The following CR1L variants were observed in gnomAD, a reference collection of about 807,000 sequenced individuals.
CR1L encodes complement component receptor 1-like protein.
CR1L carries 59 observed loss-of-function variants against 62.3 expected under a neutral mutation model. The ratio of observed to expected loss-of-function variants is 0.95; its 90% CI spans 0.77 to 1.18. CR1L has a LOEUF of 1.18. Among genes scored for constraint, CR1L ranks in the 50% most tolerant of loss-of-function variants. The pLI is 0.00. For synonymous variants in CR1L, 279 were observed against 248.7 expected, an observed-to-expected ratio of 1.12 and a Z score of -1.15; for missense variants, 700 against 702.8, an observed-to-expected ratio of 1.00 and a Z score of 0.04.
Position 207,717,721 on chromosome 1 carries a change from G to A in CR1L, c.1642+30G>A. On this transcript the variant is annotated intron_variant, in intron 11 of 11. Transcript: ENST00000508064. ...GTATCCGCTTCCACATATCCTAAAT[G>A]GGTTCAGAATATGTAGGTGAGAACC... The A allele has an allele frequency of 1.9e-6, 3 of 1,611,328 alleles. 1 individual carries two copies. The East Asian group carries it at 6.7e-5, about 36-fold the overall frequency.
chr1:207,692,120 G>A (rs902567391), intron 4 of CR1L, among the ~76,000 whole-genome samples: 3 of 152,176 alleles, frequency 2.0e-5, no homozygotes, highest in Non-Finnish European at 2.9e-5. Flanking sequence ...CCTACGGTCT[G>A]TTTACATCTT....
intron 1 of CR1L, among the ~76,000 whole-genome samples, chr1:207,671,720 G>C (rs1663617745): frequency 6.6e-6 from 1 of 150,754 alleles, no homozygotes; most frequent in East Asian, 1.9e-4. Context: ...TCAGGACTTT[G>C]AGACCAGCCT....
At chr1:207,645,473 C>T in intron 1 of CR1L, 143 bp downstream of exon 1, 1 of 909,294 alleles carries the variant, frequency 1.1e-6, no homozygotes, top group South Asian at 1.5e-5. Flanking sequence ...CGAGGGGTGC[C>T]GTGCTCAGAT....
intron 8 of CR1L, among the ~76,000 whole-genome samples, chr1:207,700,037 A>T (rs546850706): frequency 1.4e-3 from 213 of 152,044 alleles, no homozygotes; most frequent in South Asian, 6.3e-3. Context: ...TCATTTTTTT[A>T]AAATGAGCCT....
At chr1:207,720,277 T>A (rs61823008) in intron 11 of CR1L, among the ~76,000 whole-genome samples, 4 of 152,224 alleles carry the variant, frequency 2.6e-5, no homozygotes, top group Non-Finnish European at 5.9e-5. Flanking sequence ...GACATCTTAC[T>A]GCTTTGTAGT....
rs200237060 is a variant in CR1L, at chr1:207,714,995, G to C, written c.1415-2469G>C. ...TGAAGGTTATGGCTCTTGTGCCCAT[G>C]GAGAAGTCTGGTTCTGTGTTCATGC... On this transcript the variant is annotated intron_variant, in intron 10 of 11. Coordinates refer to ENST00000508064, the MANE Select transcript of CR1L (RefSeq NM_175710.2). 1.2e-4 allele frequency among the ~76,000 whole-genome samples: 18 copies of C among 152,302 alleles called. No homozygotes were observed. The East Asian group carries it at 2.3e-3, about 20-fold the overall frequency.
chr1:207,671,986 A>G (rs1207070706), intron 1 of CR1L, among the ~76,000 whole-genome samples: 5 of 150,922 alleles, frequency 3.3e-5, no homozygotes, highest in African/African-American at 1.2e-4. Context: ...GAAACAGAGA[A>G]CAAGAGAAGA....
chr1:207,670,842 A>G (rs1663601577), intron 1 of CR1L, among the ~76,000 whole-genome samples: 1 of 151,164 alleles, frequency 6.6e-6, no homozygotes, highest in South Asian at 2.1e-4. Context: ...AGGTTCTCAC[A>G]ATAACCTCCA....
At chr1:207,701,752 T>C in intron 9 of CR1L, 134 bp downstream of exon 9, 1 of 1,189,222 alleles carries the variant, frequency 8.4e-7, no homozygotes, top group Non-Finnish European at 1.2e-6. Flanking sequence ...TAACTCCTGA[T>C]TGAAATGAAC....
intron 3 of CR1L, among the ~76,000 whole-genome samples, 159 bp downstream of exon 3, chr1:207,678,456 G>T (rs1037679743): frequency 1.3e-5 from 2 of 152,146 alleles, no homozygotes; most frequent in African/African-American, 4.8e-5. Context: ...AATGGACAAA[G>T]GTATGACAAG....
At chr1:207,719,194 C>T (rs1475485516) in intron 11 of CR1L, among the ~76,000 whole-genome samples, 1 of 140,798 alleles carries the variant, frequency 7.1e-6, no homozygotes, top group Non-Finnish European at 1.5e-5. Flanking sequence ...ACCAGCATGG[C>T]ACATGTATAC....
At chr1:207,664,320 C>T (rs1423993725) in intron 1 of CR1L, among the ~76,000 whole-genome samples, 1 of 152,222 alleles carries the variant, frequency 6.6e-6, no homozygotes, top group African/African-American at 2.4e-5. Context: ...GAACTCAAAT[C>T]TCAATCACTG....
Position 207,678,245 on chromosome 1 carries a change from G to T in CR1L, c.325G>T (p.Val109Leu), listed in dbSNP as rs1366230744. ...AGATCCTGTGAATGGCATGGCACAT[G>T]TGATCAAAGACATCCAGTTCAGATC... is the stretch of plus-strand genomic sequence containing the variant. ...PPDPVNGMAH[V>L]IKDIQFRSQI... Residue 109 changes from valine to leucine, a missense_variant, in exon 3 of 12, where the codon GTG becomes TTG. Transcript: ENST00000508064. The T allele has an allele frequency of 2.5e-6, 4 of 1,613,778 alleles. No individual in the cohort carries two copies. Among genetic ancestry groups the T allele is most frequent in the Non-Finnish European group, 2.5e-6 (3 of 1,179,662 alleles).
intron 1 of CR1L, among the ~76,000 whole-genome samples, chr1:207,654,226 A>G (rs1663271454): frequency 6.6e-6 from 1 of 152,038 alleles, no homozygotes; most frequent in Non-Finnish European, 1.5e-5. Flanking sequence ...ACTATAATAT[A>G]TAAACAAAGT....
intron 10 of CR1L, among the ~76,000 whole-genome samples, chr1:207,714,486 C>T (rs1477259886): frequency 2.0e-5 from 3 of 152,096 alleles, no homozygotes; most frequent in Non-Finnish European, 2.9e-5. Flanking sequence ...CGGGTTTCAC[C>T]GGGATCCGCC....
intron 1 of CR1L, among the ~76,000 whole-genome samples, chr1:207,667,457 A>T (rs1034223565): frequency 6.6e-6 from 1 of 152,156 alleles, no homozygotes; most frequent in Non-Finnish European, 1.5e-5. Context: ...CCTTCCTCTT[A>T]TAAGGATCCC....
At chr1:207,675,177 T>C (rs746308534) in intron 1 of CR1L, among the ~76,000 whole-genome samples, 1 of 152,090 alleles carries the variant, frequency 6.6e-6, no homozygotes, top group Non-Finnish European at 1.5e-5. Context: ...TTGAGAGAAA[T>C]AGATACTTCT....
chr1:207,651,307 C>T lies in CR1L; in HGVS notation c.97+5977C>T, dbSNP rs970118401. ...CCATAGGAAGAAAGTCCTCTGAAAACGTATTGCCAATAAGTGCATTGCAGG... is the reference window on the plus strand; with the variant it reads ...CCATAGGAAGAAAGTCCTCTGAAAATGTATTGCCAATAAGTGCATTGCAGG... On this transcript the variant is annotated intron_variant, in intron 1 of 11. Coordinates refer to ENST00000508064, the MANE Select transcript of CR1L (RefSeq NM_175710.2). Among the ~76,000 whole-genome samples, 27 of 151,922 alleles carry T rather than the reference C, an allele frequency of 1.8e-4. No individual in the cohort carries two copies. In the East Asian group the frequency reaches 2.3e-3, roughly 13 times the overall value.
intron 1 of CR1L, among the ~76,000 whole-genome samples, chr1:207,656,162 C>T (rs1344932942): frequency 2.6e-5 from 4 of 152,052 alleles, no homozygotes; most frequent in Admixed American, 6.5e-5. Flanking sequence ...GGCGTGAACC[C>T]GGGAGGCGGA....
Sources: gnomAD v4.1 joint callset for allele counts (sites outside exome capture counted in the v4.1 genomes callset) on GRCh38, gnomAD v4.1.1 for gene constraint, MANE v1.5 for transcripts, NCBI Gene and HGNC (gene_info 2026-07-23, HGNC 2026-07-21) for gene names.